NCAM1: variants seen among roughly 807,000 people sequenced by gnomAD.
The protein encoded by NCAM1 is antigen recognized by monoclonal antibody 5.1H11.
In NCAM1, 14 loss-of-function variants were observed where a neutral mutation model predicts 109.8. That is an observed-to-expected ratio of 0.13 (90% CI 0.08 to 0.20). The LOEUF is 0.20. Ranked by LOEUF, NCAM1 falls within the 10% of genes least tolerant of loss-of-function variation. NCAM1 has a pLI of 1.00. For missense variants in NCAM1, 774 were observed against 1,109.9 expected (o/e 0.70, Z 4.30); for synonymous variants, 418 against 442.9 (o/e 0.94, Z 0.70).
intron 9 of NCAM1, among the ~76,000 whole-genome samples, chr11:113,229,070 A>G (rs1944928448): frequency 6.6e-6 from 1 of 152,232 alleles, no homozygotes; most frequent in African/African-American, 2.4e-5. Flanking sequence ...AACAAAAGCC[A>G]AAATTGACAA....
At chr11:113,196,124 C>T (rs1348715724) in intron 1 of NCAM1, among the ~76,000 whole-genome samples, 1 of 152,144 alleles carries the variant, frequency 6.6e-6, no homozygotes, top group Admixed American at 6.5e-5. Context: ...ACTTAGTTTA[C>T]TAACTGTCAG....
chr11:113,171,788 GC>G (rs1273258870), intron 1 of NCAM1, among the ~76,000 whole-genome samples: 1 of 152,098 alleles, frequency 6.6e-6, no homozygotes, highest in Non-Finnish European at 1.5e-5. Context: ...AATTCTGTCC[GC>G]CCCAAATTCC....
chr11:113,251,377 C>A (rs930563536), intron 15 of NCAM1, among the ~76,000 whole-genome samples: 28 of 152,180 alleles, frequency 1.8e-4, no homozygotes, highest in Admixed American at 9.8e-4. Flanking sequence ...AGAGTAATTA[C>A]AAACAGAGAA....
At chr11:112,961,775 G>A (rs1950569708) in intron 1 of NCAM1, 111 bp downstream of exon 1, 3 of 721,848 alleles carry the variant, frequency 4.2e-6, no homozygotes, top group Non-Finnish European at 7.0e-6. Flanking sequence ...TGCTAAGGCT[G>A]GTCATTTTCG....
intron 1 of NCAM1, among the ~76,000 whole-genome samples, chr11:113,042,237 C>T (rs1446061044): frequency 5.9e-5 from 9 of 152,124 alleles, no homozygotes; most frequent in Admixed American, 5.2e-4. Flanking sequence ...TTCCTCACCA[C>T]TTGTCTGAAG....
intron 1 of NCAM1, among the ~76,000 whole-genome samples, chr11:113,056,589 C>T (rs1953721420): frequency 6.6e-6 from 1 of 152,128 alleles, no homozygotes; most frequent in African/African-American, 2.4e-5. Flanking sequence ...GTTGGGAAAG[C>T]CCATGTGGTA....
intron 1 of NCAM1, among the ~76,000 whole-genome samples, chr11:113,022,018 A>G (rs188443203): frequency 6.6e-6 from 1 of 152,338 alleles, no homozygotes; most frequent in Non-Finnish European, 1.5e-5. Context: ...AATAGGAATT[A>G]TATAGTCAAA....
intron 9 of NCAM1, among the ~76,000 whole-genome samples, chr11:113,226,431 G>C (rs1944847515): frequency 6.6e-6 from 1 of 152,164 alleles, no homozygotes; most frequent in Non-Finnish European, 1.5e-5. Context: ...ATTCATAAAG[G>C]AAGTCCTTAG....
At chr11:113,092,301 A>C (rs1343548251) in intron 1 of NCAM1, among the ~76,000 whole-genome samples, 4 of 152,150 alleles carry the variant, frequency 2.6e-5, no homozygotes, top group African/African-American at 7.2e-5. Context: ...CTTTCCTGAG[A>C]TTTCACAAGT....
intron 1 of NCAM1, among the ~76,000 whole-genome samples, chr11:113,145,842 C>A (rs1245551236): frequency 6.7e-6 from 1 of 150,060 alleles, no homozygotes; most frequent in East Asian, 2.0e-4. Context: ...AAGCAAATAA[C>A]CCTCTCCGGA....
chr11:113,246,597 C>T (rs999557366), intron 15 of NCAM1, among the ~76,000 whole-genome samples: 2 of 152,230 alleles, frequency 1.3e-5, no homozygotes, highest in Admixed American at 6.5e-5. Context: ...TTTGGTCACA[C>T]AAACTGTTCT....
At chr11:112,973,357 C>T (rs1254368338) in intron 1 of NCAM1, among the ~76,000 whole-genome samples, 2 of 152,106 alleles carry the variant, frequency 1.3e-5, no homozygotes, top group Admixed American at 6.5e-5. Flanking sequence ...TAAAGGTGTA[C>T]TTTAAGCAGC....
chr11:113,131,663 CCA>C (rs781827816), intron 1 of NCAM1, among the ~76,000 whole-genome samples: 1 of 152,188 alleles, frequency 6.6e-6, no homozygotes, highest in Non-Finnish European at 1.5e-5. Flanking sequence ...AGGCTGTGCT[CCA>C]CACAGTCATT....
chr11:113,194,508 C>T, intron 1 of NCAM1, among the ~76,000 whole-genome samples: 1 of 152,160 alleles, frequency 6.6e-6, no homozygotes, highest in East Asian at 1.9e-4. Context: ...AACCTGCTTG[C>T]TCTATGAGTG....
chr11:112,962,923 C>T lies in NCAM1; in HGVS notation c.52+1259C>T, dbSNP rs1490391705. Among the ~76,000 whole-genome samples the T allele has an allele frequency of 6.6e-6, 1 of 152,010 alleles. No individual in the cohort carries two copies. The highest frequency in any genetic ancestry group is 1.5e-5 in the Non-Finnish European group (1 of 67,988). On this transcript the variant is annotated intron_variant, in intron 1 of 19. Transcript: ENST00000316851. The surrounding 1 kb of genome is among the most constrained non-coding windows in gnomAD (Gnocchi z 5.6). ...AAAGCCGGGCGGAGGGGCTGTGTGT[C>T]GCGGTCGCAGCTCCAGGTACCGTTG...
In NCAM1 at chr11:113,233,021, G is replaced by C; in HGVS notation, c.1523-126G>C. 9.4e-7 allele frequency: 1 copy of C among 1,062,296 alleles called. No individual in the cohort carries two copies. Among genetic ancestry groups the C allele is most frequent in the Non-Finnish European group, 1.4e-6 (1 of 730,122 alleles). 65.8% of individuals were successfully genotyped at this position (1,062,296 alleles called of 1,614,324 possible). On this transcript the variant is annotated intron_variant, in intron 12 of 19. Transcript: ENST00000316851. This position sits in a 1 kb window ranked among gnomAD's most constrained non-coding sequence, Gnocchi z 4.5. ...AGCATCTGGTGAGATGGGCCAGGAG[G>C]ACAGGATACAGTGACAGGATTCCCA...
At chr11:113,054,770 G>A (rs1953629884) in intron 1 of NCAM1, among the ~76,000 whole-genome samples, 1 of 151,978 alleles carries the variant, frequency 6.6e-6, no homozygotes, top group African/African-American at 2.4e-5. Context: ...TATCTACAAT[G>A]TTGCTTGAAA....
chr11:113,093,875 C>A (rs370949365), intron 1 of NCAM1, among the ~76,000 whole-genome samples: 1 of 152,184 alleles, frequency 6.6e-6, no homozygotes, highest in African/African-American at 2.4e-5. Context: ...ATTACATTCT[C>A]CTGATGTTCT....
intron 1 of NCAM1, among the ~76,000 whole-genome samples, chr11:112,980,220 T>C (rs1307896738): frequency 6.6e-6 from 1 of 151,538 alleles, no homozygotes; most frequent in Admixed American, 6.6e-5. Flanking sequence ...TGTGGAAAAA[T>C]TGGAACCCTC....
Sources: gnomAD v4.1 joint callset for allele counts (sites outside exome capture counted in the v4.1 genomes callset) on GRCh38, gnomAD v4.1.1 for gene constraint, Gnocchi (gnomAD v3.1) non-coding constraint, MANE v1.5 for transcripts, NCBI Gene and HGNC (gene_info 2026-07-23, HGNC 2026-07-21) for gene names.